The following PRC1 variants were observed in gnomAD, a reference collection of about 807,000 sequenced individuals.
PRC1 encodes the protein anaphase spindle elongation 1 homolog.
PRC1 carries 54 observed loss-of-function variants against 91.2 expected under a neutral mutation model. That is an observed-to-expected ratio of 0.59 (90% confidence interval 0.48 to 0.74). The LOEUF is 0.74. Ranked by LOEUF, PRC1 falls within the 30% of genes least tolerant of loss-of-function variation. The pLI is 0.00. For missense variants in PRC1, 727 were observed against 746.2 expected, an observed-to-expected ratio of 0.97 and a Z score of 0.30; for synonymous variants, 275 against 263.6, an observed-to-expected ratio of 1.04 and a Z score of -0.42.
chr15:90,973,329 A>C (rs2038337313), intron 11 of PRC1, among the ~76,000 whole-genome samples: 1 of 152,266 alleles, frequency 6.6e-6, no homozygotes, highest in African/African-American at 2.4e-5. Flanking sequence ...GTTTACAGGC[A>C]GTATGCTCGG....
At chr15:90,968,106 A>AC in intron 14 of PRC1, 2 of 985,434 alleles carry the variant, frequency 2.0e-6, no homozygotes, top group Non-Finnish European at 2.4e-6. Flanking sequence ...AGCCATAGCA[A>AC]CCCAAACCAG....
Position 90,994,284 on chromosome 15 carries a change from C to A in PRC1, c.11+123G>T, listed in dbSNP as rs962111834. ...CCTCAGCGCCCCCGGCCTCCCTCGGCGCCGACTGCCGTGACGATCTAGGCC... is the reference window on the plus strand; with the variant it reads ...CCTCAGCGCCCCCGGCCTCCCTCGGAGCCGACTGCCGTGACGATCTAGGCC... On this transcript the variant is annotated intron_variant, in intron 1 of 14. Transcript: ENST00000394249. The A allele has an allele frequency of 6.8e-6, 10 of 1,470,430 alleles. No homozygotes were observed. In the East Asian group the frequency reaches 1.3e-4, roughly 19 times the overall value. 91.1% of individuals were successfully genotyped at this position (1,470,430 alleles called of 1,614,324 possible).
chr15:90,970,341 G>T, intron 12 of PRC1, 63 bp downstream of exon 12: 1 of 1,210,610 alleles, frequency 8.3e-7, no homozygotes, highest in South Asian at 1.3e-5. Context: ...AAGTAGGTGG[G>T]GCCTCTGGGT....
intron 11 of PRC1, among the ~76,000 whole-genome samples, chr15:90,971,899 G>A (rs1000701444): frequency 9.9e-5 from 15 of 151,946 alleles, no homozygotes; most frequent in East Asian, 9.7e-4. Flanking sequence ...ATAGTGGCGC[G>A]GGCCTGTAGT....
intron 14 of PRC1, chr15:90,967,720 A>C (rs1048688524): frequency 3.3e-6 from 2 of 613,948 alleles, no homozygotes; most frequent in African/African-American, 2.0e-5. Flanking sequence ...ACGCCATACC[A>C]TATAGTTTAG....
Position 90,984,190 on chromosome 15 carries a change from C to G in PRC1, c.145-50G>C, listed in dbSNP as rs1250065292. ...AGTTTGGGGCAATGGAGGAAAAAAA[C>G]TCCCAACACCAATACCAAACTCCTC... On this transcript the variant is annotated intron_variant, in intron 2 of 14. Transcript: ENST00000394249. The surrounding 1 kb of genome is among the most constrained non-coding windows in gnomAD (Gnocchi z 5.1). 1.9e-6 allele frequency: 3 copies of G among 1,596,662 alleles called. No homozygotes were observed. The highest frequency in any genetic ancestry group is 2.6e-6 in the Non-Finnish European group (3 of 1,169,826).
At chr15:90,982,961 A>C (rs1045497991) in intron 3 of PRC1, among the ~76,000 whole-genome samples, 8 of 151,908 alleles carry the variant, frequency 5.3e-5, no homozygotes, top group Non-Finnish European at 1.2e-4. Flanking sequence ...GGACATATAC[A>C]TTTTTCTTAA....
intron 5 of PRC1, 166 bp downstream of exon 5, chr15:90,981,333 T>C (rs936700571): frequency 2.1e-4 from 173 of 819,996 alleles, no homozygotes; most frequent in Admixed American, 6.6e-4. Context: ...GTTTTTTAAC[T>C]GTTAAACAAA....
chr15:90,979,167 T>C lies in PRC1; in HGVS notation c.1098A>G (p.Leu366=). 6.2e-7 allele frequency: 1 copy of C among 1,613,364 alleles called. No individual in the cohort carries two copies. ...AAAACTAGGACAATACCTCAAACTC[T>C]AAGAAAAGCCTCCAGGTTTCTTCCC... ...QKWEETWRLF[L]EFERKASDPN... Residue 366 remains leucine (L), a synonymous_variant, in exon 8 of 15, where the codon TTA becomes TTG. Coordinates refer to ENST00000394249, the MANE Select transcript of PRC1 (RefSeq NM_003981.4).
chr15:90,987,553 G>A (rs796415761), intron 1 of PRC1: 43 of 152,274 alleles, frequency 2.8e-4, no homozygotes, highest in African/African-American at 1.0e-3. Context: ...TTTAAGAACA[G>A]CTTACTTTAA....
At position 90,984,892 on chromosome 15, in the gene PRC1, T is replaced by C. The variant is rs1264629250; in HGVS notation, c.12-67A>G. 1 of 1,573,718 alleles carries C rather than the reference T, an allele frequency of 6.4e-7. No homozygotes were observed. The highest frequency in any genetic ancestry group is 1.4e-5 in the African/African-American group (1 of 72,762). The stretch of plus-strand genomic sequence containing the variant: ...AGCCTCTGGACTAAAAGCACTATTT[T>C]CGAGAACTAAAAAGACTAGCTTCTC... On this transcript the variant is annotated intron_variant, in intron 1 of 14. Coordinates refer to ENST00000394249, the MANE Select transcript of PRC1 (RefSeq NM_003981.4). The surrounding 1 kb of genome is among the most constrained non-coding windows in gnomAD (Gnocchi z 5.1).
At chr15:90,969,685 A>C in intron 12 of PRC1, 62 bp from the exon 13 acceptor site, 3 of 1,474,718 alleles carry the variant, frequency 2.0e-6, no homozygotes, top group Non-Finnish European at 2.7e-6. Flanking sequence ...ACGCACACAC[A>C]ATACCTGCAC....
intron 1 of PRC1, chr15:90,988,312 C>A (rs1427185406): frequency 1.3e-5 from 2 of 152,154 alleles, no homozygotes; most frequent in East Asian, 3.9e-4. Context: ...CAGCCAGGGG[C>A]ACTGCTCTGA....
At chr15:90,973,845 C>A (rs761719855) in intron 11 of PRC1, among the ~76,000 whole-genome samples, 52 of 152,028 alleles carry the variant, frequency 3.4e-4, no homozygotes, top group Non-Finnish European at 5.3e-4. Flanking sequence ...CCACTATCAC[C>A]CTGTCCTCCT....
At chr15:90,979,492 G>C (rs1203478738) in intron 7 of PRC1, among the ~76,000 whole-genome samples, 198 bp from the exon 8 acceptor site, 3 of 152,320 alleles carry the variant, frequency 2.0e-5, no homozygotes, top group Admixed American at 1.3e-4. Context: ...TGGGGGAGTA[G>C]GGCCTAAGAG....
At position 90,974,111 on chromosome 15, in the gene PRC1, G is replaced by A; in HGVS notation, c.1461+25C>T. 1 of 1,596,596 alleles carries A rather than the reference G, an allele frequency of 6.3e-7. No homozygotes were observed. The highest frequency in any genetic ancestry group is 1.1e-5 in the South Asian group (1 of 90,704). ...ACCCTCACCCACTCCCTTGAAATCA[G>A]TGTTTCCCTAAGCCTTGTGTTTACC... On this transcript the variant is annotated intron_variant, in intron 11 of 14. Transcript: ENST00000394249. The surrounding 1 kb of genome is among the most constrained non-coding windows in gnomAD (Gnocchi z 4.6).
Position 90,981,793 on chromosome 15 carries a change from C to T in PRC1, c.456G>A (p.Glu152=), listed in dbSNP as rs17849923. 1 of 1,614,056 alleles carries T rather than the reference C, an allele frequency of 6.2e-7. No individual in the cohort carries two copies. Among genetic ancestry groups the T allele is most frequent in the Non-Finnish European group, 8.5e-7 (1 of 1,179,920 alleles). The change falls in exon 4 of 15, where the codon GAG becomes GAA. Residue 152 remains glutamate (E), a synonymous_variant. Coordinates refer to ENST00000394249, the MANE Select transcript of PRC1 (RefSeq NM_003981.4). ...IDSASVPSLE[E]LNQFRQHVTT... ...TCACATGTTGCCTGAACTGGTTCAG[C>T]TCTTCTAAGCTGGGCACTGAGGCAC...
chr15:90,974,201 T>C lies in PRC1; in HGVS notation c.1396A>G (p.Ser466Gly). 1 of 1,614,232 alleles carries C rather than the reference T, an allele frequency of 6.2e-7. No individual in the cohort carries two copies. Among genetic ancestry groups the C allele is most frequent in the Non-Finnish European group, 8.5e-7 (1 of 1,180,036 alleles). ...CGCTTGCTAGGTGTTCGAGGAGCGC[T>C]GCCATACAGCATCTCTGTCTCTGTC... is the stretch of plus-strand genomic sequence containing the variant. ...KQTETEMLYG[S>G]APRTPSKRRG... Residue 466 changes from serine (S) to glycine (G), a missense_variant, in exon 11 of 15, where the codon AGC becomes GGC. By Grantham distance (56) the Ser-to-Gly change is moderately conservative. Coordinates refer to ENST00000394249, the MANE Select transcript of PRC1 (RefSeq NM_003981.4). The surrounding 1 kb of genome is among the most constrained non-coding windows in gnomAD (Gnocchi z 4.6).
At chr15:90,982,917 T>C (rs1346090500) in intron 3 of PRC1, among the ~76,000 whole-genome samples, 1 of 151,448 alleles carries the variant, frequency 6.6e-6, no homozygotes, top group East Asian at 1.9e-4. Context: ...TCCTAACTGG[T>C]TAACAAGAAA....
Sources: allele counts gnomAD v4.1 joint callset (sites outside exome capture counted in the v4.1 genomes callset), GRCh38; gene constraint gnomAD v4.1.1; non-coding constraint Gnocchi (gnomAD v3.1); transcripts MANE v1.5; gene names NCBI Gene and HGNC (gene_info 2026-07-23, HGNC 2026-07-21).